DENND5B: variants seen among roughly 807,000 people sequenced by gnomAD.
DENND5B encodes the protein DENN domain-containing protein 5B.
DENND5B carries 34 observed loss-of-function variants against 140.6 expected under a neutral mutation model. That is an observed-to-expected ratio of 0.24 (90% confidence interval 0.18 to 0.32). DENND5B has a LOEUF of 0.32. DENND5B is among the 10% of genes least tolerant of loss of function. DENND5B has a pLI of 1.00. For synonymous variants in DENND5B, 551 were observed against 562.1 expected (o/e 0.98, Z 0.28); for missense variants, 1,142 against 1,560.2 (o/e 0.73, Z 4.52).
intron 1 of DENND5B, among the ~76,000 whole-genome samples, chr12:31,567,356 T>C (rs1949667307): frequency 6.6e-6 from 1 of 151,334 alleles, no homozygotes; most frequent in South Asian, 2.1e-4. Context: ...AATTTACTTG[T>C]GTGTCCTATC....
At chr12:31,477,009 A>G (rs1325030233) in intron 3 of DENND5B, among the ~76,000 whole-genome samples, 1 of 152,046 alleles carries the variant, frequency 6.6e-6, no homozygotes, top group Admixed American at 6.6e-5. Context: ...CGAGTGGATC[A>G]TGAGGTCAGG....
At chr12:31,473,805 T>C (rs953111800) in intron 3 of DENND5B, among the ~76,000 whole-genome samples, 14 of 152,140 alleles carry the variant, frequency 9.2e-5, no homozygotes, top group African/African-American at 1.4e-4. Flanking sequence ...GAGATCCCTA[T>C]TGAAAAAGAA....
At chr12:31,502,426 T>C (rs1947045854) in intron 1 of DENND5B, among the ~76,000 whole-genome samples, 2 of 152,212 alleles carry the variant, frequency 1.3e-5, no homozygotes, top group African/African-American at 4.8e-5. Context: ...TATACTGATA[T>C]CCCATTTCGT....
chr12:31,450,991 T>G (rs1334804250), intron 5 of DENND5B, among the ~76,000 whole-genome samples: 1 of 152,198 alleles, frequency 6.6e-6, no homozygotes, highest in African/African-American at 2.4e-5. Context: ...ATTTTCTGAC[T>G]TCTCTTTCCA....
intron 1 of DENND5B, among the ~76,000 whole-genome samples, chr12:31,587,294 C>G (rs1950426661): frequency 6.6e-6 from 1 of 152,188 alleles, no homozygotes; most frequent in African/African-American, 2.4e-5. Flanking sequence ...GATTTCCAGT[C>G]TGATTCTCCA....
At chr12:31,402,401 T>C (rs1593067506) in intron 15 of DENND5B, 97 bp downstream of exon 15, 1 of 1,442,812 alleles carries the variant, frequency 6.9e-7, no homozygotes, top group East Asian at 2.3e-5. Flanking sequence ...TGTTCCTCTA[T>C]TTTATTTGAT....
intron 2 of DENND5B, among the ~76,000 whole-genome samples, chr12:31,481,248 T>A (rs1339459358): frequency 6.6e-6 from 1 of 152,178 alleles, no homozygotes. Flanking sequence ...GTCTCCCACA[T>A]CCCCACATTA....
intron 1 of DENND5B, among the ~76,000 whole-genome samples, chr12:31,535,760 T>A (rs953450914): frequency 6.6e-6 from 1 of 152,132 alleles, no homozygotes; most frequent in Admixed American, 6.5e-5. Flanking sequence ...TCCGCAAGTA[T>A]CAAGACCATC....
chr12:31,437,229 G>C (rs1187765737), intron 7 of DENND5B, among the ~76,000 whole-genome samples: 5 of 150,606 alleles, frequency 3.3e-5, no homozygotes, highest in African/African-American at 4.9e-5. Flanking sequence ...TGCAAGCTCT[G>C]CCTCCCGGGT....
At chr12:31,536,924 A>G (rs552573287) in intron 1 of DENND5B, among the ~76,000 whole-genome samples, 1 of 152,272 alleles carries the variant, frequency 6.6e-6, no homozygotes, top group South Asian at 2.1e-4. Flanking sequence ...GAGTTGCATA[A>G]CATATTTAAA....
chr12:31,452,593 G>C (rs1173252270), intron 4 of DENND5B, 117 bp from the exon 5 acceptor site: 1 of 1,102,708 alleles, frequency 9.1e-7, no homozygotes, highest in East Asian at 2.6e-5. Flanking sequence ...GGAGGCCAAA[G>C]CAAAAGGATC....
intron 2 of DENND5B, among the ~76,000 whole-genome samples, chr12:31,484,354 A>G (rs1260587090): frequency 6.6e-6 from 1 of 152,154 alleles, no homozygotes; most frequent in Non-Finnish European, 1.5e-5. Context: ...ATCAATTGAG[A>G]GTAATCACTG....
Position 31,518,067 on chromosome 12 carries a change from G to A in DENND5B, c.128-22148C>T, listed in dbSNP as rs143993766. Among the ~76,000 whole-genome samples the A allele has an allele frequency of 4.1e-3, 632 of 152,336 alleles. 5 individuals are homozygous for A. Among genetic ancestry groups the A allele is most frequent in the African/African-American group, 0.014 (576 of 41,572 alleles). ...GTCTCTGCAATGGGAGCAGTGCAAA[G>A]TGGAGAGGCAGGGAAAGAGCTTTAT... On this transcript the variant is annotated intron_variant, in intron 1 of 20. Coordinates refer to ENST00000389082, the MANE Select transcript of DENND5B (RefSeq NM_144973.4).
chr12:31,391,523 C>G (rs1221417288), intron 19 of DENND5B, among the ~76,000 whole-genome samples: 1 of 152,178 alleles, frequency 6.6e-6, no homozygotes, highest in African/African-American at 2.4e-5. Flanking sequence ...ATAAGTTTGT[C>G]AACCATAGGA....
At chr12:31,527,237 G>A (rs1357500476) in intron 1 of DENND5B, among the ~76,000 whole-genome samples, 1 of 152,172 alleles carries the variant, frequency 6.6e-6, no homozygotes, top group Non-Finnish European at 1.5e-5. Flanking sequence ...AAGGAGGTGA[G>A]ACAGTGAGCC....
At chr12:31,561,631 C>T (rs1330604727) in intron 1 of DENND5B, among the ~76,000 whole-genome samples, 1 of 152,162 alleles carries the variant, frequency 6.6e-6, no homozygotes, top group African/African-American at 2.4e-5. Context: ...AAGAGGACTC[C>T]TAAAACTCAA....
intron 8 of DENND5B, among the ~76,000 whole-genome samples, chr12:31,427,439 C>T (rs1943292644): frequency 6.6e-6 from 1 of 151,658 alleles, no homozygotes; most frequent in African/African-American, 2.4e-5. Flanking sequence ...AACCCCATCT[C>T]TACTAAAAAT....
intron 17 of DENND5B, among the ~76,000 whole-genome samples, chr12:31,396,051 TC>T (rs1941441752): frequency 9.1e-6 from 1 of 109,562 alleles, no homozygotes; most frequent in African/African-American, 3.0e-5. Flanking sequence ...CTGTTGGCAT[TC>T]CTTGTTTTTT....
chr12:31,494,215 CCTACCTCT>C (rs1946672990), intron 2 of DENND5B, among the ~76,000 whole-genome samples: 2 of 88,000 alleles, frequency 2.3e-5, no homozygotes, highest in African/African-American at 3.8e-5. Context: ...TACCTACCTA[CCTACCTCT>C]ACCTACCTAC....
Sources: allele counts gnomAD v4.1 joint callset (sites outside exome capture counted in the v4.1 genomes callset), GRCh38; gene constraint gnomAD v4.1.1; transcripts MANE v1.5; gene names NCBI Gene and HGNC (gene_info 2026-07-23, HGNC 2026-07-21).